Variants in PRELID2 observed in about 807,000 individuals in gnomAD.
PRELID2 encodes PRELI domain-containing protein 2.
A neutral mutation model predicts 28.4 loss-of-function variants in PRELID2; 25 were observed. That is an observed-to-expected ratio of 0.88 (90% CI 0.64 to 1.23). PRELID2 has a LOEUF of 1.23. PRELID2 is among the 50% of genes most tolerant of loss of function. PRELID2 has a pLI of 0.00. For missense variants in PRELID2, 201 were observed against 214.4 expected, an observed-to-expected ratio of 0.94 and a Z score of 0.39; for synonymous variants, 76 against 71.6, an observed-to-expected ratio of 1.06 and a Z score of -0.31.
the PRELID2 span, among the ~76,000 whole-genome samples, chr5:145,307,270 T>A: frequency 7.2e-5 from 11 of 152,220 alleles, no homozygotes; most frequent in East Asian, 2.1e-3. Flanking sequence ...CTGCAGCAGG[T>A]ACCATGGAAG....
intron 1 of PRELID2, among the ~76,000 whole-genome samples, chr5:145,604,748 G>GTTTTTTTTTTTT (rs377653737): frequency 1.3e-4 from 14 of 108,968 alleles, no homozygotes; most frequent in South Asian, 3.0e-4. Flanking sequence ...GTTTTTTTTG[G>GTTTTTTTTTTTT]TTTTTTTTTT....
intron 1 of PRELID2, among the ~76,000 whole-genome samples, chr5:145,747,236 G>A (rs1368660774): frequency 1.3e-5 from 2 of 148,200 alleles, no homozygotes; most frequent in Non-Finnish European, 3.0e-5. Context: ...AAAAAAAATC[G>A]ATGACTCCAG....
intron 1 of PRELID2, among the ~76,000 whole-genome samples, chr5:145,662,342 A>T (rs1754510666): frequency 6.6e-6 from 1 of 152,122 alleles, no homozygotes; most frequent in Non-Finnish European, 1.5e-5. Flanking sequence ...GTGGAAGCTC[A>T]TTTTGGCCAA....
chr5:145,276,002 G>A, the PRELID2 span, among the ~76,000 whole-genome samples: 1 of 152,044 alleles, frequency 6.6e-6, no homozygotes. Flanking sequence ...GTAGCATTCA[G>A]GACATGACAA....
At chr5:145,753,491 A>G (rs140713233), downstream of PRELID2, among the ~76,000 whole-genome samples, 648 of 152,304 alleles carry the variant, frequency 4.3e-3, 5 homozygotes, top group African/African-American at 0.014. Flanking sequence ...TTTCTAGGAC[A>G]GTGAATTGTA....
intron 1 of PRELID2, among the ~76,000 whole-genome samples, chr5:145,596,264 T>C (rs979846720): frequency 6.6e-6 from 1 of 152,124 alleles, no homozygotes; most frequent in Non-Finnish European, 1.5e-5. Context: ...TAGCTCTGAC[T>C]CTCCTCTCCA....
the PRELID2 span, among the ~76,000 whole-genome samples, chr5:145,375,383 A>G: frequency 3.3e-5 from 5 of 152,150 alleles, no homozygotes; most frequent in Admixed American, 3.3e-4. Flanking sequence ...AAGGGGCACC[A>G]ATCTGATGCC....
chr5:145,275,169 T>C, the PRELID2 span, among the ~76,000 whole-genome samples: 1 of 152,086 alleles, frequency 6.6e-6, no homozygotes. Context: ...GAGGACACAA[T>C]TCAACCCAAA....
intron 1 of PRELID2, among the ~76,000 whole-genome samples, chr5:145,533,522 G>T (rs549106425): frequency 6.6e-6 from 1 of 152,104 alleles, no homozygotes; most frequent in South Asian, 2.1e-4. Flanking sequence ...GGTATTACAT[G>T]CTTTGCTCAA....
At chr5:145,740,228 G>T (rs1177104824) in intron 1 of PRELID2, among the ~76,000 whole-genome samples, 2 of 105,000 alleles carry the variant, frequency 1.9e-5, no homozygotes, top group Non-Finnish European at 3.7e-5. Flanking sequence ...AAAGTACTAG[G>T]GATAGAGTCA....
At chr5:145,560,321 A>C (rs1217071525) in intron 1 of PRELID2, among the ~76,000 whole-genome samples, 1 of 152,234 alleles carries the variant, frequency 6.6e-6, no homozygotes, top group African/African-American at 2.4e-5. Context: ...AAGTGCCACA[A>C]AAACAGAAAC....
the PRELID2 span, among the ~76,000 whole-genome samples, chr5:145,358,440 G>T: frequency 6.6e-6 from 1 of 152,006 alleles, no homozygotes; most frequent in African/African-American, 2.4e-5. Context: ...TTCCATCCAG[G>T]TGTTTCCCAG....
At chr5:145,317,203 G>A in the PRELID2 span, among the ~76,000 whole-genome samples, 1 of 152,296 alleles carries the variant, frequency 6.6e-6, no homozygotes, top group Non-Finnish European at 1.5e-5. Context: ...GTCCCACAAT[G>A]GTCCTTTGAG....
At chr5:145,523,763 G>A (rs1247771525) in intron 1 of PRELID2, among the ~76,000 whole-genome samples, 2 of 152,016 alleles carry the variant, frequency 1.3e-5, no homozygotes, top group African/African-American at 2.4e-5. Context: ...TACCAATTTT[G>A]GGAGAACACA....
At chr5:145,426,129 G>A in the PRELID2 span, among the ~76,000 whole-genome samples, 4 of 152,214 alleles carry the variant, frequency 2.6e-5, no homozygotes. Context: ...GCTGGCAGAT[G>A]AGTGGACAGA....
intron 2 of PRELID2, among the ~76,000 whole-genome samples, chr5:145,822,651 CA>C (rs1463719698): frequency 3.3e-5 from 5 of 152,174 alleles, no homozygotes; most frequent in Non-Finnish European, 7.3e-5. Context: ...TGACCTTGAG[CA>C]AGTCACTTAA....
intron 1 of PRELID2, among the ~76,000 whole-genome samples, chr5:145,670,828 C>T (rs62392299): frequency 0.01 from 1,588 of 152,224 alleles, 16 homozygotes; most frequent in Non-Finnish European, 0.016. Context: ...TAGAAAACAA[C>T]TAAAATGTTC....
At chr5:145,400,044 C>A in the PRELID2 span, among the ~76,000 whole-genome samples, 1 of 152,110 alleles carries the variant, frequency 6.6e-6, no homozygotes, top group Non-Finnish European at 1.5e-5. Context: ...CTCACACTGT[C>A]CTTCCTTTCC....
At chr5:145,252,776 G>C in the PRELID2 span, among the ~76,000 whole-genome samples, 1 of 152,052 alleles carries the variant, frequency 6.6e-6, no homozygotes, top group Non-Finnish European at 1.5e-5. Context: ...TTCTCAAAAT[G>C]TATAGTGATA....
Sources: allele counts gnomAD v4.1 joint callset (sites outside exome capture counted in the v4.1 genomes callset), GRCh38; gene constraint gnomAD v4.1.1; transcripts MANE v1.5; gene names NCBI Gene and HGNC (gene_info 2026-07-23, HGNC 2026-07-21).